The following KANSL1L variants were observed in gnomAD, a reference collection of about 807,000 sequenced individuals.
KANSL1L encodes the protein KAT8 regulatory NSL complex subunit 1-like protein.
Under a neutral mutation model 108.6 loss-of-function variants are expected in KANSL1L, and 25 were observed. That is an observed-to-expected ratio of 0.23 (90% confidence interval 0.17 to 0.32). The LOEUF is 0.32. Among genes scored for constraint, KANSL1L ranks in the 10% least tolerant of loss-of-function variants. The probability of loss-of-function intolerance (pLI) is 1.00; values close to 1 mark genes in which losing one functional copy is unlikely to be tolerated. For missense variants in KANSL1L, 1,137 were observed against 1,125.7 expected, an observed-to-expected ratio of 1.01 and a Z score of -0.14; for synonymous variants, 405 against 395.1, an observed-to-expected ratio of 1.03 and a Z score of -0.30.
chr2:210,064,723 T>C (rs1404711065), intron 6 of KANSL1L, among the ~76,000 whole-genome samples: 1 of 149,522 alleles, frequency 6.7e-6, no homozygotes, highest in Non-Finnish European at 1.5e-5. Flanking sequence ...GTGGGAGGAC[T>C]GCTTGAGCCT....
intron 1 of KANSL1L, chr2:210,155,097 T>A (rs894173549): frequency 3.3e-5 from 5 of 152,090 alleles, no homozygotes; most frequent in Non-Finnish European, 7.4e-5. Flanking sequence ...AGAACTAAAA[T>A]ATAATAAATA....
At position 210,113,289 on chromosome 2, in the gene KANSL1L, G is replaced by A. The variant is rs559948662; in HGVS notation, c.1231-8988C>T. Among the ~76,000 whole-genome samples the A allele has an allele frequency of 2.6e-5, 4 of 152,240 alleles. No homozygotes were observed. In the South Asian group the frequency reaches 6.2e-4, roughly 24 times the overall value. The stretch of plus-strand genomic sequence containing the variant: ...AAAAGCAGGACATTTTAAAACAACT[G>A]CACCAATGGGGAAAATTAGAAAGCA... On this transcript the variant is annotated intron_variant, in intron 3 of 14. Coordinates refer to ENST00000281772, the MANE Select transcript of KANSL1L (RefSeq NM_152519.4).
chr2:210,091,508 C>CA (rs1474742226), intron 5 of KANSL1L, among the ~76,000 whole-genome samples: 2 of 152,164 alleles, frequency 1.3e-5, no homozygotes, highest in Non-Finnish European at 2.9e-5. Flanking sequence ...CCACCACTCA[C>CA]AGGTCAAGAA....
At chr2:210,152,075 A>G (rs531166043) in intron 2 of KANSL1L, 2 of 152,252 alleles carry the variant, frequency 1.3e-5, no homozygotes, top group East Asian at 3.9e-4. Flanking sequence ...TTCATCACCC[A>G]GGTTTTAAGC....
intron 3 of KANSL1L, among the ~76,000 whole-genome samples, chr2:210,120,305 T>C (rs1039005403): frequency 6.6e-6 from 1 of 152,106 alleles, no homozygotes; most frequent in Non-Finnish European, 1.5e-5. Context: ...GGCAGGAGAA[T>C]TGCTAGAAGC....
At chr2:210,030,531 G>T in intron 9 of KANSL1L, among the ~76,000 whole-genome samples, 1 of 117,836 alleles carries the variant, frequency 8.5e-6, no homozygotes, top group African/African-American at 2.9e-5. Flanking sequence ...TTGGTTCCCA[G>T]TTACTGTGTG....
At chr2:210,053,394 C>T (rs1013685970) in intron 6 of KANSL1L, among the ~76,000 whole-genome samples, 3 of 152,084 alleles carry the variant, frequency 2.0e-5, no homozygotes, top group South Asian at 2.1e-4. Flanking sequence ...ATCAGGAGTT[C>T]GAGACCAGCC....
chr2:210,055,319 T>C (rs2094338701), intron 6 of KANSL1L, among the ~76,000 whole-genome samples: 1 of 152,218 alleles, frequency 6.6e-6, no homozygotes, highest in Admixed American at 6.5e-5. Flanking sequence ...CAGTCTTGGA[T>C]ATGTCCTTAC....
At chr2:210,134,309 T>C (rs772854617) in intron 2 of KANSL1L, among the ~76,000 whole-genome samples, 1 of 152,166 alleles carries the variant, frequency 6.6e-6, no homozygotes, top group Non-Finnish European at 1.5e-5. Flanking sequence ...TTACAATAGA[T>C]ATTTTAAGCT....
chr2:210,047,350 G>A (rs2094235857), intron 6 of KANSL1L, among the ~76,000 whole-genome samples: 1 of 152,182 alleles, frequency 6.6e-6, no homozygotes, highest in Non-Finnish European at 1.5e-5. Context: ...GGAGGAACCA[G>A]GTTGGTCCTT....
chr2:210,127,230 T>G (rs960490888), intron 3 of KANSL1L, among the ~76,000 whole-genome samples: 2 of 152,060 alleles, frequency 1.3e-5, no homozygotes, highest in African/African-American at 4.8e-5. Flanking sequence ...CAGGTAAAAC[T>G]GAATATCTGA....
intron 11 of KANSL1L, chr2:210,028,361 CT>C (rs1217409211): frequency 7.3e-6 from 1 of 136,344 alleles, no homozygotes; most frequent in African/African-American, 2.8e-5. Flanking sequence ...TCCCACTCAT[CT>C]TTTGAATGTG....
At chr2:210,146,739 G>A (rs2095268716) in intron 2 of KANSL1L, among the ~76,000 whole-genome samples, 1 of 152,150 alleles carries the variant, frequency 6.6e-6, no homozygotes. Flanking sequence ...CAGATGTGTT[G>A]GGGTGAAGAA....
chr2:210,072,524 T>C (rs925675229), intron 6 of KANSL1L, among the ~76,000 whole-genome samples: 2 of 152,136 alleles, frequency 1.3e-5, no homozygotes, highest in African/African-American at 4.8e-5. Flanking sequence ...AGACAGGAGA[T>C]TGGGGGTGTA....
chr2:210,040,251 A>G (rs1490445678), intron 8 of KANSL1L, 169 bp downstream of exon 8: 1 of 527,442 alleles, frequency 1.9e-6, no homozygotes, highest in African/African-American at 2.0e-5. Context: ...ATTTCATGTT[A>G]AGATTGTTCT....
At chr2:210,036,362 TG>T (rs1454323505) in intron 8 of KANSL1L, among the ~76,000 whole-genome samples, 1 of 151,724 alleles carries the variant, frequency 6.6e-6, no homozygotes, top group Non-Finnish European at 1.5e-5. Context: ...TTATATTTTT[TG>T]TAGAGACAGG....
At chr2:210,032,989 A>C (rs2094040940) in intron 8 of KANSL1L, 1 of 152,232 alleles carries the variant, frequency 6.6e-6, no homozygotes, top group African/African-American at 2.4e-5. Flanking sequence ...TAAAATCATC[A>C]CTAGGCTAAG....
intron 5 of KANSL1L, 58 bp from the exon 6 acceptor site, chr2:210,075,814 C>A (rs2094538190): frequency 2.4e-6 from 3 of 1,250,262 alleles, no homozygotes; most frequent in Admixed American, 2.2e-5. Context: ...ACAAAACAAA[C>A]AAAAAAGACA....
At chr2:210,129,258 C>T (rs2095097834) in intron 2 of KANSL1L, 86 bp from the exon 3 acceptor site, 1 of 1,168,314 alleles carries the variant, frequency 8.6e-7, no homozygotes, top group Admixed American at 2.5e-5. Context: ...TAACTCCCAT[C>T]ATAAAAGCAA....
Sources: allele counts gnomAD v4.1 joint callset (sites outside exome capture counted in the v4.1 genomes callset), GRCh38; gene constraint gnomAD v4.1.1; transcripts MANE v1.5; gene names NCBI Gene and HGNC (gene_info 2026-07-23, HGNC 2026-07-21).